TPH2: variants seen among roughly 807,000 people sequenced by gnomAD.
TPH2 encodes the protein tryptophan hydroxylase 2.
In TPH2, 27 loss-of-function variants were observed where a neutral mutation model predicts 59.1. The observed-to-expected ratio is 0.46, with a 90% CI of 0.34 to 0.63. The LOEUF (loss-of-function observed/expected upper bound fraction) is 0.63. Ranked by LOEUF, TPH2 falls within the 30% of genes least tolerant of loss-of-function variation. TPH2 has a pLI of 0.01. For synonymous variants in TPH2, 220 were observed against 210.5 expected (o/e 1.05, Z -0.39); for missense variants, 523 against 588.3 (o/e 0.89, Z 1.15).
chr12:71,952,618 C>T (rs1216431548), intron 5 of TPH2, among the ~76,000 whole-genome samples: 3 of 152,134 alleles, frequency 2.0e-5, no homozygotes, highest in African/African-American at 7.2e-5. Flanking sequence ...TTATAGCCCT[C>T]TCCCCTGGAT....
In TPH2 at chr12:72,031,790, C is replaced by A; in HGVS notation, c.*95C>A. ...ACGCAAATAACCTTCTGTGTCATGG[C>A]TTGGCTAATAAGCATGCAATTCCAT... On this transcript the variant is annotated 3_prime_UTR_variant, in exon 11 of 11. Transcript: ENST00000333850. 6.9e-7 allele frequency: 1 copy of A among 1,455,002 alleles called. No individual in the cohort carries two copies. The highest frequency in any genetic ancestry group is 9.6e-7 in the Non-Finnish European group (1 of 1,040,544). 90.1% of individuals were successfully genotyped at this position (1,455,002 alleles called of 1,614,324 possible).
At chr12:72,030,700 G>T (rs1244635759) in intron 9 of TPH2, among the ~76,000 whole-genome samples, 1 of 152,022 alleles carries the variant, frequency 6.6e-6, no homozygotes, top group Non-Finnish European at 1.5e-5. Flanking sequence ...GAAGGTAAAT[G>T]AATGCTTTTT....
intron 7 of TPH2, among the ~76,000 whole-genome samples, chr12:71,988,289 A>G (rs1872494223): frequency 6.6e-6 from 1 of 152,254 alleles, no homozygotes; most frequent in African/African-American, 2.4e-5. Context: ...GAAACACTTC[A>G]GAAATGGTGG....
Position 71,953,670 on chromosome 12 carries a change from G to A in TPH2, c.608+4015G>A, listed in dbSNP as rs546546006. On this transcript the variant is annotated intron_variant, in intron 5 of 10. Transcript: ENST00000333850. ...CAACAACCTGATTTTCCAAACTGATGTTTAGAACCACTTTGTCCAAGGGAT... is the reference window on the plus strand; with the variant it reads ...CAACAACCTGATTTTCCAAACTGATATTTAGAACCACTTTGTCCAAGGGAT... Among the ~76,000 whole-genome samples, 6 of 152,286 alleles carry A rather than the reference G, an allele frequency of 3.9e-5. 1 individual carries two copies. The South Asian group carries it at 1.2e-3, about 32-fold the overall frequency.
rs576174505 is a variant in TPH2, at chr12:72,009,705, T to C, written c.1069-12694T>C. Among the ~76,000 whole-genome samples the C allele has an allele frequency of 3.3e-5, 5 of 152,122 alleles. No individual in the cohort carries two copies. In the East Asian group the frequency reaches 7.8e-4, roughly 24 times the overall value. On this transcript the variant is annotated intron_variant, in intron 8 of 10. Transcript: ENST00000333850. Reference sequence around the variant, plus strand: ...TTATGTTTCTTAGGATATCCAGGAGTCACAAAGGAAATGAAGGCACCTGCC... The same window carrying C: ...TTATGTTTCTTAGGATATCCAGGAGCCACAAAGGAAATGAAGGCACCTGCC...
intron 9 of TPH2, among the ~76,000 whole-genome samples, chr12:72,027,130 G>A (rs1418929465): frequency 6.6e-6 from 1 of 151,810 alleles, no homozygotes; most frequent in South Asian, 2.1e-4. Flanking sequence ...TAGAATAGTC[G>A]AGATAATAAC....
intron 8 of TPH2, among the ~76,000 whole-genome samples, chr12:71,997,541 A>G (rs1467521530): frequency 6.6e-6 from 1 of 152,202 alleles, no homozygotes; most frequent in African/African-American, 2.4e-5. Context: ...GATAATTCCA[A>G]TACTCTTGGC....
chr12:71,988,356 A>G (rs1028697223), intron 7 of TPH2, among the ~76,000 whole-genome samples: 3 of 152,172 alleles, frequency 2.0e-5, no homozygotes, highest in Admixed American at 6.5e-5. Context: ...GGAAATTTGT[A>G]AAGAAAAGGG....
chr12:72,006,444 G>A (rs192097816), intron 8 of TPH2, among the ~76,000 whole-genome samples: 36 of 152,214 alleles, frequency 2.4e-4, no homozygotes, highest in Middle Eastern at 3.4e-3. Context: ...TCAGGGGCAA[G>A]GGAGGATTCT....
chr12:72,015,523 G>A (rs1592412433), intron 8 of TPH2, among the ~76,000 whole-genome samples: 1 of 151,852 alleles, frequency 6.6e-6, no homozygotes, highest in Non-Finnish European at 1.5e-5. Flanking sequence ...GTTTCACCGT[G>A]TTAGCCAGGA....
chr12:72,015,846 G>A (rs952757567), intron 8 of TPH2, among the ~76,000 whole-genome samples: 9 of 152,212 alleles, frequency 5.9e-5, no homozygotes, highest in South Asian at 2.1e-4. Flanking sequence ...GGGAGGGTGC[G>A]GGGGATGAAA....
chr12:71,958,692 G>A (rs1871584396), intron 5 of TPH2, among the ~76,000 whole-genome samples: 1 of 152,192 alleles, frequency 6.6e-6, no homozygotes, highest in South Asian at 2.1e-4. Flanking sequence ...ACCCTCGTGA[G>A]ATACAGAATG....
At chr12:72,021,665 C>A (rs535739140) in intron 8 of TPH2, among the ~76,000 whole-genome samples, 1 of 152,058 alleles carries the variant, frequency 6.6e-6, no homozygotes, top group Non-Finnish European at 1.5e-5. Flanking sequence ...ATGTATTAAA[C>A]ACATTTTCAA....
chr12:71,999,681 A>G (rs1353204547), intron 8 of TPH2, among the ~76,000 whole-genome samples: 1 of 152,244 alleles, frequency 6.6e-6, no homozygotes, highest in Non-Finnish European at 1.5e-5. Flanking sequence ...GTATCAGAGC[A>G]TGTGGACAAC....
In TPH2 at chr12:71,939,015, G is replaced by A; in HGVS notation, c.29G>A (p.Ser10Asn). 1 of 1,614,126 alleles carries A rather than the reference G, an allele frequency of 6.2e-7. No individual in the cohort carries two copies. The highest frequency in any genetic ancestry group is 1.1e-5 in the South Asian group (1 of 91,080). ...CAGCCAGCAATGATGATGTTTTCCA[G>A]TAAATACTGGGCACGGAGAGGGTTT... MQPAMMMFS[S>N]KYWARRGFSL... Residue 10 changes from serine to asparagine, a missense_variant, in exon 1 of 11, where the codon AGT becomes AAT. Transcript: ENST00000333850.
At chr12:71,942,298 A>C (rs1446437215) in intron 2 of TPH2, among the ~76,000 whole-genome samples, 1 of 152,086 alleles carries the variant, frequency 6.6e-6, no homozygotes, top group Non-Finnish European at 1.5e-5. Context: ...CTCAGGCCCA[A>C]ATCTGTAGTT....
At chr12:71,976,782 G>A (rs1484163280) in intron 6 of TPH2, among the ~76,000 whole-genome samples, 2 of 152,132 alleles carry the variant, frequency 1.3e-5, no homozygotes, top group African/African-American at 2.4e-5. Context: ...GTTGGTTCTT[G>A]CCTCTTAAGA....
At chr12:72,015,789 A>G (rs919676225) in intron 8 of TPH2, among the ~76,000 whole-genome samples, 2 of 152,070 alleles carry the variant, frequency 1.3e-5, no homozygotes, top group Admixed American at 6.6e-5. Flanking sequence ...CCAGCTTTAT[A>G]GACATTGAGC....
intron 9 of TPH2, among the ~76,000 whole-genome samples, chr12:72,023,889 G>T (rs1241905648): frequency 6.6e-6 from 1 of 150,772 alleles, no homozygotes; most frequent in Non-Finnish European, 1.5e-5. Flanking sequence ...TATTTCTGGT[G>T]CTTTAGACAT....
Sources: allele counts gnomAD v4.1 joint callset (sites outside exome capture counted in the v4.1 genomes callset), GRCh38; gene constraint gnomAD v4.1.1; transcripts MANE v1.5; gene names NCBI Gene and HGNC (gene_info 2026-07-23, HGNC 2026-07-21).